SEZ6: variants seen among roughly 807,000 people sequenced by gnomAD.
The protein encoded by SEZ6 is seizure protein 6 homolog.
SEZ6 carries 53 observed loss-of-function variants against 101.0 expected under a neutral mutation model. The observed-to-expected ratio is 0.52, with a 90% CI of 0.42 to 0.66. The LOEUF (loss-of-function observed/expected upper bound fraction) is 0.66, where lower values mean the gene tolerates loss of function less well. SEZ6 is among the 30% of genes least tolerant of loss of function. The pLI, the probability that SEZ6 is intolerant of heterozygous loss-of-function variation, is 0.00. For missense variants in SEZ6, 1,102 were observed against 1,289.4 expected (o/e 0.85, Z 2.23); for synonymous variants, 488 against 512.2 (o/e 0.95, Z 0.64).
chr17:28,977,912 G>A (rs2041245956), intron 3 of SEZ6, among the ~76,000 whole-genome samples: 1 of 152,186 alleles, frequency 6.6e-6, no homozygotes, highest in Admixed American at 6.5e-5. Context: ...CGGGGTGGCT[G>A]TTCCTAATTA....
At chr17:28,960,755 C>T in intron 6 of SEZ6, 50 bp downstream of exon 6, 2 of 1,612,208 alleles carry the variant, frequency 1.2e-6, no homozygotes, top group South Asian at 1.1e-5. Context: ...GTCCCTCCAG[C>T]AGGGTATTAC....
chr17:28,984,513 C>A (rs144602131), intron 1 of SEZ6, among the ~76,000 whole-genome samples: 356 of 152,304 alleles, frequency 2.3e-3, no homozygotes, highest in African/African-American at 7.6e-3. Flanking sequence ...CCAGGGCAGG[C>A]ACAGCTCTTC....
Position 28,992,493 on chromosome 17 carries a change from C to G in SEZ6, c.56-10454G>C, listed in dbSNP as rs530726063. Among the ~76,000 whole-genome samples, 7 of 152,266 alleles carry G rather than the reference C, an allele frequency of 4.6e-5. No homozygotes were observed. The East Asian group carries it at 1.4e-3, about 29-fold the overall frequency. On this transcript the variant is annotated intron_variant, in intron 1 of 16. Coordinates refer to ENST00000317338, the MANE Select transcript of SEZ6 (RefSeq NM_178860.5). ...TACCATGTGTCCCTGCCCAAGGATG[C>G]CACACCCTGGGACCTGGCTTCAAGC...
At chr17:28,979,539 C>T in intron 3 of SEZ6, 141 bp downstream of exon 3, 1 of 1,251,128 alleles carries the variant, frequency 8.0e-7, no homozygotes, top group Middle Eastern at 2.0e-4. Flanking sequence ...CCATTTAGGC[C>T]CATCTCCCAG....
chr17:28,962,397 C>T (rs1282782604), intron 5 of SEZ6, among the ~76,000 whole-genome samples: 1 of 152,190 alleles, frequency 6.6e-6, no homozygotes, highest in African/African-American at 2.4e-5. Flanking sequence ...GCTTGCCAGC[C>T]TCCCCGCTAG....
At chr17:28,994,557 C>T (rs979510218) in intron 1 of SEZ6, among the ~76,000 whole-genome samples, 7 of 151,776 alleles carry the variant, frequency 4.6e-5, no homozygotes, top group African/African-American at 1.7e-4. Context: ...TACAGGCGCC[C>T]GCCACTGAGC....
chr17:28,958,766 A>G (rs1301730370), intron 10 of SEZ6, among the ~76,000 whole-genome samples: 1 of 150,026 alleles, frequency 6.7e-6, no homozygotes, highest in Middle Eastern at 3.4e-3. Flanking sequence ...TGGGTGACAG[A>G]GGGAAACTGT....
chr17:28,974,266 T>A (rs1171718781), intron 3 of SEZ6, among the ~76,000 whole-genome samples: 1 of 152,162 alleles, frequency 6.6e-6, no homozygotes, highest in Non-Finnish European at 1.5e-5. Context: ...CTAGGCTCTC[T>A]TGGTCACCAT....
intron 3 of SEZ6, 131 bp downstream of exon 3, chr17:28,979,549 G>A: frequency 7.4e-7 from 1 of 1,350,630 alleles, no homozygotes; most frequent in South Asian, 1.4e-5. Context: ...CCATCTCCCA[G>A]CCCTGGCCTT....
chr17:28,985,709 T>A, intron 1 of SEZ6, among the ~76,000 whole-genome samples: 1 of 152,202 alleles, frequency 6.6e-6, no homozygotes, highest in Non-Finnish European at 1.5e-5. Flanking sequence ...CTCTCTTCTC[T>A]GGGGGACTAC....
intron 1 of SEZ6, among the ~76,000 whole-genome samples, chr17:28,991,933 A>G (rs910738487): frequency 1.3e-5 from 2 of 152,182 alleles, no homozygotes; most frequent in Non-Finnish European, 2.9e-5. Context: ...AGCCAGGAAC[A>G]CTTAGCTTCG....
chr17:28,957,691 C>G, intron 11 of SEZ6, 152 bp from the exon 12 acceptor site: 1 of 916,776 alleles, frequency 1.1e-6, no homozygotes, highest in Non-Finnish European at 1.6e-6. Context: ...GTGTGTCCCC[C>G]CATTTGTCCC....
intron 14 of SEZ6, 27 bp from the exon 15 acceptor site, chr17:28,956,494 G>C (rs1434898489): frequency 6.5e-7 from 1 of 1,539,686 alleles, no homozygotes; most frequent in Non-Finnish European, 8.8e-7. Flanking sequence ...TGTGACTGGA[G>C]CAGAGGTCTC....
intron 3 of SEZ6, among the ~76,000 whole-genome samples, chr17:28,972,807 G>T (rs2041172369): frequency 6.6e-6 from 1 of 152,186 alleles, no homozygotes; most frequent in Non-Finnish European, 1.5e-5. Flanking sequence ...CAGGCAGCAG[G>T]AATCCTCGGG....
chr17:29,000,852 G>C (rs888189674), intron 1 of SEZ6, among the ~76,000 whole-genome samples: 3 of 152,088 alleles, frequency 2.0e-5, no homozygotes, highest in African/African-American at 7.2e-5. Flanking sequence ...CAGGAATCCT[G>C]GGCTTTACCT....
At chr17:28,999,724 G>T (rs929440413) in intron 1 of SEZ6, among the ~76,000 whole-genome samples, 1 of 152,144 alleles carries the variant, frequency 6.6e-6, no homozygotes, top group Admixed American at 6.5e-5. Flanking sequence ...CTCAGTGGAG[G>T]CTGAAGGGGA....
chr17:28,957,800 C>T, intron 11 of SEZ6, 147 bp downstream of exon 11: 1 of 989,918 alleles, frequency 1.0e-6, no homozygotes, highest in East Asian at 2.6e-5. Flanking sequence ...GTATCATCCC[C>T]ATTTCACAGA....
rs551718829 is a variant in SEZ6 at position 28,996,126 on chromosome 17, G to A, written c.55+9689C>T. ...CGCCATTCTCCTGCCTCAGCCTCCC[G>A]GGTGGCTGGGACTACAGCGGGTGCC... On this transcript the variant is annotated intron_variant, in intron 1 of 16. Transcript: ENST00000317338. Among the ~76,000 whole-genome samples, 6 of 151,518 alleles carry A rather than the reference G, an allele frequency of 4.0e-5. No individual in the cohort carries two copies. The East Asian group carries it at 5.9e-4, about 15-fold the overall frequency.
In SEZ6 at chr17:29,005,866, G is replaced by T; in HGVS notation, c.4C>A (p.Arg2Ser). 1 of 1,470,506 alleles carries T rather than the reference G, an allele frequency of 6.8e-7. No homozygotes were observed. Among genetic ancestry groups the T allele is most frequent in the Non-Finnish European group, 9.0e-7 (1 of 1,110,792 alleles). The allele number at this position is 1,470,506 out of a possible 1,614,324, so 91.1% of individuals were successfully genotyped here. The change falls in exon 1 of 17, where the codon CGC becomes AGC. Residue 2 changes from arginine to serine, a missense_variant. Physicochemically the swap from Arg to Ser is moderately radical, Grantham distance 110 (BLOSUM62 -1). Coordinates refer to ENST00000317338, the MANE Select transcript of SEZ6 (RefSeq NM_178860.5). The surrounding 1 kb of genome is among the most constrained non-coding windows in gnomAD (Gnocchi z 4.8). M[R>S]PVALLLLPSL... ...GGCAGGAGCAGCAGGGCTACCGGGC[G>T]CATGGTGCTGGTTGCGGCCGCGCCC...
Sources: gnomAD v4.1 joint callset for allele counts (sites outside exome capture counted in the v4.1 genomes callset) on GRCh38, gnomAD v4.1.1 for gene constraint, Gnocchi (gnomAD v3.1) non-coding constraint, MANE v1.5 for transcripts, NCBI Gene and HGNC (gene_info 2026-07-23, HGNC 2026-07-21) for gene names.